The following FAM184B variants were observed in gnomAD, a reference collection of about 807,000 sequenced individuals.
FAM184B encodes protein FAM184B.
A neutral mutation model predicts 135.9 loss-of-function variants in FAM184B; 111 were observed. The ratio of observed to expected loss-of-function variants is 0.82; its 90% CI spans 0.70 to 0.96. The LOEUF is 0.96. Among genes scored for constraint, FAM184B ranks in the 40% least tolerant of loss-of-function variants. The pLI is 0.00. For synonymous variants in FAM184B, 552 were observed against 524.8 expected (o/e 1.05, Z -0.71); for missense variants, 1,375 against 1,323.9 (o/e 1.04, Z -0.60).
chr4:17,705,715 G>C, intron 4 of FAM184B, 37 bp downstream of exon 4: 9 of 1,550,066 alleles, frequency 5.8e-6, no homozygotes, highest in Non-Finnish European at 7.9e-6. Context: ...AAAGCTCTCT[G>C]TGCCTTCTCC....
Position 17,690,589 on chromosome 4 carries a change from A to G in FAM184B, c.1489-2058T>C, listed in dbSNP as rs527278552. Among the ~76,000 whole-genome samples the G allele has an allele frequency of 5.7e-4, 86 of 152,208 alleles. 1 individual carries two copies. Among genetic ancestry groups the G allele is most frequent in the Non-Finnish European group, 4.7e-4 (32 of 68,042 alleles). ...TCTAGCAACATTGCAGGGGAACAGC[A>G]AGGCTATCGGAAAGTCCTTCCAGAC... On this transcript the variant is annotated intron_variant, in intron 6 of 17. Transcript: ENST00000265018.
At chr4:17,765,718 A>C (rs1469039144) in intron 1 of FAM184B, among the ~76,000 whole-genome samples, 1 of 152,180 alleles carries the variant, frequency 6.6e-6, no homozygotes, top group Non-Finnish European at 1.5e-5. Flanking sequence ...ATGCGTCCGG[A>C]AATGGTGGGT....
At position 17,717,696 on chromosome 4, in the gene FAM184B, A is replaced by G. The variant is rs575856118; in HGVS notation, c.142-8052T>C. Among the ~76,000 whole-genome samples, 3 of 152,232 alleles carry G rather than the reference A, an allele frequency of 2.0e-5. No homozygotes were observed. The East Asian group carries it at 5.8e-4, about 29-fold the overall frequency. ...TAGGGTCGTAGAGATTGAGTGTTGT[A>G]GGTTTAACAAGGCTCTAATTAATGG... On this transcript the variant is annotated intron_variant, in intron 1 of 17. Transcript: ENST00000265018.
intron 5 of FAM184B, among the ~76,000 whole-genome samples, chr4:17,698,684 G>C (rs1268801486): frequency 1.3e-5 from 2 of 152,042 alleles, no homozygotes; most frequent in African/African-American, 4.8e-5. Context: ...ACTAGAGTTA[G>C]AGAAAATTCT....
At chr4:17,638,388 T>C (rs1450800353) in intron 14 of FAM184B, among the ~76,000 whole-genome samples, 1 of 151,786 alleles carries the variant, frequency 6.6e-6, no homozygotes, top group Admixed American at 6.6e-5. Context: ...AGACGGAGTT[T>C]CACAATGTTG....
At chr4:17,693,558 A>G in intron 5 of FAM184B, 146 bp from the exon 6 acceptor site, 1 of 653,452 alleles carries the variant, frequency 1.5e-6, no homozygotes, top group Non-Finnish European at 2.6e-6. Context: ...CATACACGAG[A>G]AGGTCAAAAG....
intron 1 of FAM184B, among the ~76,000 whole-genome samples, chr4:17,720,883 T>TAAAAAAAAAAAAAAAAAA (rs59409749): frequency 4.0e-5 from 4 of 100,316 alleles, no homozygotes; most frequent in African/African-American, 7.6e-5. Flanking sequence ...AGACTTCATC[T>TAAAAAAAAAAAAAAAAAA]AAAAAAAAAA....
intron 11 of FAM184B, among the ~76,000 whole-genome samples, chr4:17,649,868 T>C (rs202156049): frequency 3.0e-5 from 4 of 134,292 alleles, no homozygotes; most frequent in African/African-American, 1.5e-4. Context: ...ATCCACCCAC[T>C]CATCCATCCA....
chr4:17,692,026 C>G (rs1057066791), intron 6 of FAM184B, among the ~76,000 whole-genome samples: 4 of 148,288 alleles, frequency 2.7e-5, no homozygotes, highest in African/African-American at 1.0e-4. Context: ...GCACTCCAGT[C>G]GGGCAACAGA....
At chr4:17,645,678 AT>A (rs1715446778) in intron 12 of FAM184B, among the ~76,000 whole-genome samples, 1 of 152,140 alleles carries the variant, frequency 6.6e-6, no homozygotes, top group South Asian at 2.1e-4. Context: ...CAAGGACTTC[AT>A]GTCTAAAACA....
intron 7 of FAM184B, among the ~76,000 whole-genome samples, chr4:17,676,371 G>A (rs1368954923): frequency 6.6e-6 from 1 of 152,102 alleles, no homozygotes; most frequent in African/African-American, 2.4e-5. Flanking sequence ...AATTACAATA[G>A]CAACATGAAA....
intron 12 of FAM184B, among the ~76,000 whole-genome samples, chr4:17,643,339 C>A (rs1481964743): frequency 6.6e-6 from 1 of 152,132 alleles, no homozygotes; most frequent in East Asian, 1.9e-4. Context: ...TTGCCGACAC[C>A]CCTGCATCTC....
intron 1 of FAM184B, among the ~76,000 whole-genome samples, chr4:17,759,302 T>C (rs1718490345): frequency 6.6e-6 from 1 of 152,178 alleles, no homozygotes; most frequent in Admixed American, 6.5e-5. Context: ...TAAAAGTGTG[T>C]AGCCCCTCCC....
rs367683711 is a variant in FAM184B at position 17,705,721 on chromosome 4, T to C, written c.1170+31A>G. On this transcript the variant is annotated intron_variant, in intron 4 of 17. Coordinates refer to ENST00000265018, the MANE Select transcript of FAM184B (RefSeq NM_015688.2). ...ATAGATAGCAAAGCTCTCTGTGCCT[T>C]CTCCATCCCCAGGGCTGGGTCAGAC... The C allele has an allele frequency of 2.5e-3, 3,935 of 1,550,676 alleles. 7 individuals are homozygous for C. Among genetic ancestry groups the C allele is most frequent in the Non-Finnish European group, 3.1e-3 (3,591 of 1,146,544 alleles).
chr4:17,744,495 CA>C (rs1718116827), intron 1 of FAM184B, among the ~76,000 whole-genome samples: 4 of 141,922 alleles, frequency 2.8e-5, no homozygotes, highest in African/African-American at 5.6e-5. Context: ...ACACACCACA[CA>C]CACACACACA....
rs1577270900 is a variant in FAM184B, at chr4:17,709,655, A to C, written c.142-11T>G. Reference sequence around the variant, plus strand: ...CAGGGCATAAATCACCTGCAGGAAAATCAACAGAGCCCAGTTAGGGTGAGG... The same window carrying C: ...CAGGGCATAAATCACCTGCAGGAAACTCAACAGAGCCCAGTTAGGGTGAGG... On this transcript the variant is annotated splice_polypyrimidine_tract_variant and intron_variant, in intron 1 of 17. Coordinates refer to ENST00000265018, the MANE Select transcript of FAM184B (RefSeq NM_015688.2). 8.8e-6 allele frequency: 13 copies of C among 1,482,356 alleles called. No individual in the cohort carries two copies. Among genetic ancestry groups the C allele is most frequent in the Non-Finnish European group, 1.1e-5 (12 of 1,117,380 alleles). The allele number at this position is 1,482,356 out of a possible 1,614,324, so 91.8% of individuals were successfully genotyped here.
At chr4:17,770,562 C>T (rs1577297425) in intron 1 of FAM184B, among the ~76,000 whole-genome samples, 2 of 152,118 alleles carry the variant, frequency 1.3e-5, no homozygotes, top group African/African-American at 4.8e-5. Flanking sequence ...CTCCCGGGTT[C>T]AAGTGATTCT....
chr4:17,771,825 A>G (rs1476987909), intron 1 of FAM184B, among the ~76,000 whole-genome samples: 2 of 152,198 alleles, frequency 1.3e-5, no homozygotes, highest in Non-Finnish European at 2.9e-5. Flanking sequence ...TCCAGTTCAG[A>G]AAGGGATGGG....
At chr4:17,659,048 C>A (rs901765005) in intron 9 of FAM184B, among the ~76,000 whole-genome samples, 1 of 152,086 alleles carries the variant, frequency 6.6e-6, no homozygotes, top group Non-Finnish European at 1.5e-5. Flanking sequence ...TTATGTCAAC[C>A]ATTTATTGTC....
Sources: gnomAD v4.1 joint callset for allele counts (sites outside exome capture counted in the v4.1 genomes callset) on GRCh38, gnomAD v4.1.1 for gene constraint, MANE v1.5 for transcripts, NCBI Gene and HGNC (gene_info 2026-07-23, HGNC 2026-07-21) for gene names.